HTT: variants seen among roughly 807,000 people sequenced by gnomAD.
The protein encoded by HTT is huntingtin, also known as huntington disease protein.
HTT carries 104 observed loss-of-function variants against 362.3 expected under a neutral mutation model. That is an observed-to-expected ratio of 0.29 (90% confidence interval 0.24 to 0.34). The LOEUF (loss-of-function observed/expected upper bound fraction) is 0.34, where lower values mean the gene tolerates loss of function less well. HTT is among the 10% of genes least tolerant of loss of function. The pLI, the probability that HTT is intolerant of heterozygous loss-of-function variation, is 1.00. For missense variants in HTT, 3,301 were observed against 3,928.6 expected, an observed-to-expected ratio of 0.84 and a Z score of 4.27; for synonymous variants, 1,577 against 1,548.7, an observed-to-expected ratio of 1.02 and a Z score of -0.43.
At chr4:3,090,592 G>GC (rs1713449680) in intron 2 of HTT, among the ~76,000 whole-genome samples, 2 of 151,904 alleles carry the variant, frequency 1.3e-5, no homozygotes, top group African/African-American at 4.8e-5. Context: ...CCAATATATC[G>GC]AACTCTAAGG....
chr4:3,213,756 G>T (rs768812682), intron 49 of HTT, among the ~76,000 whole-genome samples: 5 of 152,230 alleles, frequency 3.3e-5, no homozygotes, highest in Non-Finnish European at 5.9e-5. Flanking sequence ...CTTTGTGGCA[G>T]AGAGGGGACT....
chr4:3,222,519 G>A, intron 54 of HTT, 32 bp downstream of exon 54: 2 of 1,538,024 alleles, frequency 1.3e-6, no homozygotes, highest in Non-Finnish European at 1.8e-6. Context: ...GTTGGCACAT[G>A]GGCAGTTATG....
At chr4:3,204,268 C>A in intron 42 of HTT, 120 bp downstream of exon 42, 1 of 883,160 alleles carries the variant, frequency 1.1e-6, no homozygotes, top group Non-Finnish European at 1.8e-6. Flanking sequence ...TGCCAAGCTC[C>A]ATCGAAACTA....
intron 63 of HTT, 117 bp downstream of exon 63, chr4:3,235,895 C>A: frequency 1.2e-6 from 1 of 862,298 alleles, no homozygotes; most frequent in Non-Finnish European, 1.8e-6. Flanking sequence ...TCTGGTGTTG[C>A]CCCAAGCCGG....
rs557427362 is a variant in HTT, at chr4:3,094,927, C to T, written c.348-4347C>T. Among the ~76,000 whole-genome samples the T allele has an allele frequency of 7.4e-4, 111 of 150,164 alleles. 2 individuals carry two copies. The highest frequency in any genetic ancestry group is 1.9e-4 in the Non-Finnish European group (13 of 67,448). ...GCAGAGGTGCTCTTCACATCTCAGA[C>T]GGGGCGGCGGGGCAGAGGTGCTCCC... is the stretch of plus-strand genomic sequence containing the variant. On this transcript the variant is annotated intron_variant, in intron 2 of 66. Transcript: ENST00000355072.
At chr4:3,189,748 G>A (rs1220933724) in intron 40 of HTT, among the ~76,000 whole-genome samples, 1 of 152,212 alleles carries the variant, frequency 6.6e-6, no homozygotes, top group Non-Finnish European at 1.5e-5. Flanking sequence ...AAGAGGACCA[G>A]GTGTCATGGC....
chr4:3,231,223 C>T (rs1282602698), intron 60 of HTT, among the ~76,000 whole-genome samples: 3 of 152,228 alleles, frequency 2.0e-5, no homozygotes, highest in South Asian at 2.1e-4. Context: ...GTGTGCCAGC[C>T]GTCTGGGGCC....
chr4:3,082,255 T>C (rs892376305), intron 1 of HTT, among the ~76,000 whole-genome samples: 8 of 152,232 alleles, frequency 5.3e-5, no homozygotes, highest in African/African-American at 1.9e-4. Flanking sequence ...TCTCACATTT[T>C]TGTGGCTGTA....
chr4:3,146,106 G>T (rs1267803642), intron 24 of HTT, among the ~76,000 whole-genome samples: 1 of 152,152 alleles, frequency 6.6e-6, no homozygotes, highest in East Asian at 1.9e-4. Context: ...CCTCGTTTCT[G>T]CATCTGTTCA....
intron 27 of HTT, among the ~76,000 whole-genome samples, chr4:3,155,751 A>T (rs979139758): frequency 6.8e-6 from 1 of 146,872 alleles, no homozygotes; most frequent in Non-Finnish European, 1.5e-5. Flanking sequence ...AAAAAAAAAA[A>T]GCCGGGCATG....
chr4:3,170,411 G>C (rs1397561184), intron 29 of HTT, among the ~76,000 whole-genome samples: 1 of 152,030 alleles, frequency 6.6e-6, no homozygotes, highest in African/African-American at 2.4e-5. Flanking sequence ...TTTCCAGTCC[G>C]CCTGCTGAGA....
chr4:3,210,076 C>T (rs564473385), intron 47 of HTT, 127 bp downstream of exon 47: 12 of 1,197,828 alleles, frequency 1.0e-5, no homozygotes, highest in African/African-American at 7.5e-5. Context: ...TGGGCAGGGA[C>T]GGGATGTCGG....
At chr4:3,108,288 C>T (rs1156575161) in intron 6 of HTT, among the ~76,000 whole-genome samples, 1 of 152,146 alleles carries the variant, frequency 6.6e-6, no homozygotes, top group South Asian at 2.1e-4. Context: ...TCTTGAGCTT[C>T]GAAGTTTTCT....
intron 40 of HTT, 43 bp from the exon 41 acceptor site, chr4:3,199,689 C>G: frequency 6.4e-7 from 1 of 1,574,706 alleles, no homozygotes; most frequent in Non-Finnish European, 8.7e-7. Flanking sequence ...TGGCACTGGA[C>G]CGAGATGAAA....
Position 3,229,956 on chromosome 4 carries a change from C to T in HTT, c.8179C>T (p.Leu2727=), listed in dbSNP as rs895730093. 6.2e-7 allele frequency: 1 copy of T among 1,614,012 alleles called. No homozygotes were observed. ...FELMYVTLTE[L]RRVHPSEDEI... Reference sequence around the variant, plus strand: ...GCTGATGTATGTGACGCTGACAGAACTGCGAAGGGTGCACCCTTCAGAAGA... The same window carrying T: ...GCTGATGTATGTGACGCTGACAGAATTGCGAAGGGTGCACCCTTCAGAAGA... The change falls in exon 60 of 67, where the codon CTG becomes TTG. Residue 2727 remains leucine (L), a synonymous_variant. Transcript: ENST00000355072.
intron 12 of HTT, chr4:3,129,148 A>G (rs765737223): frequency 3.3e-5 from 5 of 152,164 alleles, no homozygotes; most frequent in African/African-American, 4.8e-5. Flanking sequence ...TTGCTTTTCC[A>G]TTCCTCTGTC....
chr4:3,181,459 A>G (rs1001041053), intron 36 of HTT, among the ~76,000 whole-genome samples: 1 of 152,184 alleles, frequency 6.6e-6, no homozygotes, highest in Non-Finnish European at 1.5e-5. Flanking sequence ...AAGTGGCATA[A>G]GAATTCAAAG....
Position 3,105,583 on chromosome 4 carries a change from A to C in HTT, c.608+147A>C, listed in dbSNP as rs746885905. The C allele has an allele frequency of 1.7e-5, 11 of 647,178 alleles. No homozygotes were observed. In the East Asian group the frequency reaches 2.7e-4, roughly 16 times the overall value. 40.1% of individuals were successfully genotyped at this position (647,178 alleles called of 1,614,324 possible). On this transcript the variant is annotated intron_variant, in intron 5 of 66. Coordinates refer to ENST00000355072, the MANE Select transcript of HTT (RefSeq NM_001388492.1). ...GCCCTGTTTATGTTTCCCTCATAGC[A>C]CTAATCCATGTCAGAAATTGTCACG...
rs764504893 is a variant in HTT at position 3,130,045 on chromosome 4, T to C, written c.1865T>C (p.Met622Thr). The C allele has an allele frequency of 1.9e-6, 3 of 1,605,110 alleles. No homozygotes were observed. Among genetic ancestry groups the C allele is most frequent in the African/African-American group, 2.7e-5 (2 of 74,662 alleles). Reference sequence around the variant, plus strand: ...TCGGAGGCCTTCAGGAACTCTTCCATGGGTATGTGGACTACAGGTGATGCG... The same window carrying C: ...TCGGAGGCCTTCAGGAACTCTTCCACGGGTATGTGGACTACAGGTGATGCG... ...EASEAFRNSS[M>T]ALQQAHLLKN... Residue 622 changes from methionine to threonine, a missense_variant and splice_region_variant, in exon 13 of 67, where the codon ATG becomes ACG. Coordinates refer to ENST00000355072, the MANE Select transcript of HTT (RefSeq NM_001388492.1).
Sources: gnomAD v4.1 joint callset for allele counts (sites outside exome capture counted in the v4.1 genomes callset) on GRCh38, gnomAD v4.1.1 for gene constraint, MANE v1.5 for transcripts, NCBI Gene and HGNC (gene_info 2026-07-23, HGNC 2026-07-21) for gene names.